Variants in PLOD3 observed in about 807,000 individuals in gnomAD.
PLOD3 encodes the protein multifunctional procollagen lysine hydroxylase and glycosyltransferase LH3.
In PLOD3, 73 loss-of-function variants were observed where a neutral mutation model predicts 96.9. The observed-to-expected ratio is 0.75, with a 90% CI of 0.62 to 0.92. The LOEUF (loss-of-function observed/expected upper bound fraction) is 0.92. Among genes scored for constraint, PLOD3 ranks in the 40% least tolerant of loss-of-function variants. The pLI is 0.00. For synonymous variants in PLOD3, 454 were observed against 413.7 expected (o/e 1.10, Z -1.18); for missense variants, 1,004 against 1,004.3 (o/e 1.00, Z 0.00).
intron 5 of PLOD3, among the ~76,000 whole-genome samples, chr7:101,215,401 C>T (rs561193675): frequency 2.6e-3 from 396 of 152,214 alleles, no homozygotes; most frequent in Admixed American, 6.9e-3. Flanking sequence ...TTAGTAGAGA[C>T]GGGGTTTCAC....
Position 101,217,581 on chromosome 7 carries a change from T to A in PLOD3, c.-307A>T. On this transcript the variant is annotated 5_prime_UTR_variant, in exon 1 of 19. Transcript: ENST00000223127. ...GGCTGAGCCAGCCGCTTGACACATG[T>A]GGAAGCTGAAACCTGGACAGGGGAA... is the stretch of plus-strand genomic sequence containing the variant. The A allele has an allele frequency of 2.3e-6, 1 of 441,624 alleles. No individual in the cohort carries two copies. The highest frequency in any genetic ancestry group is 4.1e-6 in the Non-Finnish European group (1 of 246,710). 27.4% of individuals were successfully genotyped at this position (441,624 alleles called of 1,614,324 possible). A position where few individuals can be genotyped will look rare whatever the true frequency, so the allele number is the denominator to read the frequency against.
chr7:101,212,849 C>G lies in PLOD3; in HGVS notation c.872G>C (p.Gly291Ala), dbSNP rs200279103. 2.0e-5 allele frequency: 33 copies of G among 1,611,860 alleles called. No individual in the cohort carries two copies. In the Middle Eastern group the frequency reaches 6.7e-4, roughly 33 times the overall value. The change falls in exon 8 of 19, where the codon GGG (glycine) becomes GCG (alanine). Residue 291 changes from glycine to alanine, a missense_variant. Transcript: ENST00000223127. ...FCNQDRRTLP[G>A]GQPPPRVFLA... ...CTGGCACCCCCACCTCACCTGCCCC[C>G]CCGGGAGTGTCCTCCGGTCCTGGTT...
At chr7:101,208,440 C>T (rs1798120619) in intron 16 of PLOD3, among the ~76,000 whole-genome samples, 1 of 152,190 alleles carries the variant, frequency 6.6e-6, no homozygotes, top group African/African-American at 2.4e-5. Flanking sequence ...GGGGTTTCTC[C>T]ATGTTGGTCA....
chr7:101,208,615 C>A, intron 16 of PLOD3: 1 of 503,024 alleles, frequency 2.0e-6, no homozygotes, highest in South Asian at 1.8e-5. Flanking sequence ...TCAAACTCCC[C>A]CTGCTCGAGC....
At chr7:101,213,248 A>G in intron 6 of PLOD3, 44 bp from the exon 7 acceptor site, 1 of 1,274,982 alleles carries the variant, frequency 7.8e-7, no homozygotes, top group Non-Finnish European at 1.1e-6. Flanking sequence ...TTTCTCTGGG[A>G]GCTACCAAGC....
In PLOD3 at chr7:101,207,728, G is replaced by C. The variant is rs1350034880; in HGVS notation, c.1789-4C>G. 3 of 1,613,672 alleles carry C rather than the reference G, an allele frequency of 1.9e-6. No individual in the cohort carries two copies. In the South Asian group the frequency reaches 3.3e-5, roughly 18 times the overall value. On this transcript the variant is annotated splice_region_variant and splice_polypyrimidine_tract_variant and intron_variant, in intron 16 of 18. Transcript: ENST00000223127. The stretch of plus-strand genomic sequence containing the variant: ...AGCCTCCAGCCAGCCTTGAATCCTG[G>C]GGGCGGCGGGCACTGAGCCACCCGC...
Position 101,216,776 on chromosome 7 carries a change from C to A in PLOD3, c.120G>T (p.Leu40=). The change falls in exon 2 of 19, where the codon CTG becomes CTT. Residue 40 remains leucine, a synonymous_variant. Transcript: ENST00000223127. ...TTTCAGCTGTGGCCACAGTGATCAC[C>A]AGCAGCTTCTCTGTTACCAGAGGGA... ...GRDPVNPEKL[L]VITVATAETE... 1 of 1,612,808 alleles carries A rather than the reference C, an allele frequency of 6.2e-7. No individual in the cohort carries two copies. The highest frequency in any genetic ancestry group is 8.5e-7 in the Non-Finnish European group (1 of 1,178,856).
In PLOD3 at chr7:101,206,218, G is replaced by T; in HGVS notation, c.*63C>A. 1 of 1,531,942 alleles carries T rather than the reference G, an allele frequency of 6.5e-7. No homozygotes were observed. Among genetic ancestry groups the T allele is most frequent in the Non-Finnish European group, 9.0e-7 (1 of 1,105,458 alleles). The allele number at this position is 1,531,942 out of a possible 1,614,324, so 94.9% of individuals were successfully genotyped here. On this transcript the variant is annotated 3_prime_UTR_variant, in exon 19 of 19. Transcript: ENST00000223127. ...GAGAGACCCATCCCCCAACTCCCAG[G>T]ACGGGGGCCAGGCCCCCTAAAAAGG... is the stretch of plus-strand genomic sequence containing the variant.
chr7:101,213,249 G>T (rs1584254362), intron 6 of PLOD3, 45 bp from the exon 7 acceptor site: 2 of 1,272,762 alleles, frequency 1.6e-6, no homozygotes, highest in Non-Finnish European at 2.3e-6. Context: ...TTCTCTGGGA[G>T]CTACCAAGCA....
intron 16 of PLOD3, 39 bp from the exon 17 acceptor site, chr7:101,207,763 C>T (rs1798112446): frequency 1.2e-6 from 2 of 1,612,186 alleles, no homozygotes; most frequent in Admixed American, 1.7e-5. Flanking sequence ...CCCCTCCAGC[C>T]ATGGCGCTCC....
chr7:101,207,682 C>G lies in PLOD3; in HGVS notation c.1831G>C (p.Asp611His). The change falls in exon 17 of 19, where the codon GAC (aspartate) becomes CAC (histidine). Residue 611 changes from aspartate (D) to histidine (H), a missense_variant. Transcript: ENST00000223127. ...AGGYENVPTV[D>H]IHMKQVGYED... ...TACCCCACCTGCTTCATGTGGATGT[C>G]CACGGTGGGCACATTCTCGTAGCCT... 6.2e-7 allele frequency: 1 copy of G among 1,613,962 alleles called. No homozygotes were observed. Among genetic ancestry groups the G allele is most frequent in the Non-Finnish European group, 8.5e-7 (1 of 1,179,940 alleles).
chr7:101,210,197 C>T lies in PLOD3; in HGVS notation c.1615-36G>A, dbSNP rs11974067. ...GTGGGGGGCACATCAGATCTGTGCCCCCCTCGCTCCCAGCCCCCAGGGGAC... is the reference window on the plus strand; with the variant it reads ...GTGGGGGGCACATCAGATCTGTGCCTCCCTCGCTCCCAGCCCCCAGGGGAC... On this transcript the variant is annotated intron_variant, in intron 14 of 18. Transcript: ENST00000223127. 271 of 1,536,308 alleles carry T rather than the reference C, an allele frequency of 1.8e-4. 1 individual carries two copies. In the African/African-American group the frequency reaches 3.0e-3, roughly 17 times the overall value.
At position 101,210,610 on chromosome 7, in the gene PLOD3, C is replaced by T; in HGVS notation, c.1422G>A (p.Met474Ile). The part of the protein sequence containing the change: ...AYVIRGDTLR[M>I]ELPQRDVFSG... ...AGAACACATCCCTCTGGGGCAGCTC[C>T]ATCCGCAGGGTATCACCCCGGATCA... Residue 474 changes from methionine to isoleucine, a missense_variant, in exon 13 of 19, where the codon ATG (methionine) becomes ATA (isoleucine). By Grantham distance (10) the Met-to-Ile change is conservative. Coordinates refer to ENST00000223127, the MANE Select transcript of PLOD3 (RefSeq NM_001084.5). The T allele has an allele frequency of 6.2e-7, 1 of 1,614,224 alleles. No homozygotes were observed. The highest frequency in any genetic ancestry group is 8.5e-7 in the Non-Finnish European group (1 of 1,180,028).
At chr7:101,206,664 C>T in intron 18 of PLOD3, 115 bp downstream of exon 18, 1 of 1,287,034 alleles carries the variant, frequency 7.8e-7, no homozygotes, top group Non-Finnish European at 1.1e-6. Context: ...CTGATACCCA[C>T]AAAGTCACTG....
chr7:101,213,852 C>T (rs1466470278), intron 6 of PLOD3, among the ~76,000 whole-genome samples: 2 of 152,042 alleles, frequency 1.3e-5, no homozygotes, highest in African/African-American at 2.4e-5. Context: ...GCGCGCACCA[C>T]CATGCCCGGC....
chr7:101,215,030 T>C (rs1367311238), intron 6 of PLOD3, 59 bp downstream of exon 6: 3 of 1,306,674 alleles, frequency 2.3e-6, no homozygotes, highest in African/African-American at 1.5e-5. Flanking sequence ...CTCTCCCAGC[T>C]CAAGACCCCT....
intron 16 of PLOD3, among the ~76,000 whole-genome samples, chr7:101,208,371 A>T (rs191652119): frequency 1.3e-5 from 2 of 152,072 alleles, no homozygotes; most frequent in Admixed American, 1.3e-4. Context: ...GCTCCCGAGT[A>T]GCTGGGACTA....
chr7:101,208,386 C>T (rs977705129), intron 16 of PLOD3, among the ~76,000 whole-genome samples: 3 of 151,824 alleles, frequency 2.0e-5, no homozygotes, highest in Non-Finnish European at 2.9e-5. Context: ...GGACTACAGG[C>T]GCCCGCCACC....
chr7:101,206,334 G>A lies in PLOD3; in HGVS notation c.2164C>T (p.Leu722=), dbSNP rs1301200619. Residue 722 remains leucine, a synonymous_variant, in exon 19 of 19, where the codon CTG becomes TTG. Coordinates refer to ENST00000223127, the MANE Select transcript of PLOD3 (RefSeq NM_001084.5). The stretch of plus-strand genomic sequence containing the variant: ...TAGCGTGTGCCCCAGGTCGTTGGCA[G>A]CCCCTCGTGGTAGTGGGTGAGGCGG... The part of the protein sequence containing the change: ...PGRLTHYHEG[L]PTTWGTRYIM... 1 of 1,613,874 alleles carries A rather than the reference G, an allele frequency of 6.2e-7. No individual in the cohort carries two copies. Among genetic ancestry groups the A allele is most frequent in the Non-Finnish European group, 8.5e-7 (1 of 1,179,908 alleles).
Sources: allele counts gnomAD v4.1 joint callset (sites outside exome capture counted in the v4.1 genomes callset), GRCh38; gene constraint gnomAD v4.1.1; transcripts MANE v1.5; gene names NCBI Gene and HGNC (gene_info 2026-07-23, HGNC 2026-07-21).